Variants in FMNL2 observed in about 807,000 individuals in gnomAD.
FMNL2 encodes formin like 2.
A neutral mutation model predicts 130.2 loss-of-function variants in FMNL2; 51 were observed. That is an observed-to-expected ratio of 0.39 (90% CI 0.31 to 0.49). The LOEUF (loss-of-function observed/expected upper bound fraction) is 0.49, where lower values mean the gene tolerates loss of function less well. Ranked by LOEUF, FMNL2 falls within the 20% of genes least tolerant of loss-of-function variation. The probability of loss-of-function intolerance (pLI) is 0.85; values close to 1 mark genes in which losing one functional copy is unlikely to be tolerated. For missense variants in FMNL2, 977 were observed against 1,316.2 expected (o/e 0.74, Z 3.99); for synonymous variants, 465 against 467.1 (o/e 1.00, Z 0.06).
At chr2:152,554,251 AC>A (rs973475434) in intron 4 of FMNL2, among the ~76,000 whole-genome samples, 9 of 152,192 alleles carry the variant, frequency 5.9e-5, no homozygotes, top group African/African-American at 1.9e-4. Flanking sequence ...TATAAAAAAT[AC>A]AAAAATTAAC....
Position 152,639,996 on chromosome 2 carries a change from A to G in FMNL2, c.2985A>G (p.Glu995=), listed in dbSNP as rs776599183. 1.3e-6 allele frequency: 2 copies of G among 1,559,180 alleles called. No homozygotes were observed. Among genetic ancestry groups the G allele is most frequent in the Non-Finnish European group, 8.7e-7 (1 of 1,151,836 alleles). Residue 995 remains glutamate (E), a synonymous_variant, in exon 24 of 26, where the codon GAA becomes GAG. Transcript: ENST00000288670. Reference sequence around the variant, plus strand: ...AAAATGAGCTGAGGAAAAAGCAGGAACAAGCTCTCATGGAAAAACTCCTAG... The same window carrying G: ...AAAATGAGCTGAGGAAAAAGCAGGAGCAAGCTCTCATGGAAAAACTCCTAG... ...EEENELRKKQ[E]QALMEKLLEQ...
chr2:152,351,939 C>G (rs1281915791), intron 1 of FMNL2, among the ~76,000 whole-genome samples: 1 of 152,164 alleles, frequency 6.6e-6, no homozygotes, highest in Non-Finnish European at 1.5e-5. Context: ...TTGCATTTCT[C>G]TAATGACTAG....
chr2:152,586,761 TC>T (rs146530965), intron 9 of FMNL2, among the ~76,000 whole-genome samples: 6,986 of 152,246 alleles, frequency 0.046, 539 homozygotes, highest in African/African-American at 0.16. Flanking sequence ...GGAAGCAAAG[TC>T]CTAGTCTTAA....
At chr2:152,366,313 A>G (rs540620371) in intron 1 of FMNL2, among the ~76,000 whole-genome samples, 3 of 150,660 alleles carry the variant, frequency 2.0e-5, no homozygotes, top group African/African-American at 7.3e-5. Context: ...GGGGAGGGAT[A>G]GCATCAGGAG....
At chr2:152,591,431 T>C (rs948401079) in intron 9 of FMNL2, among the ~76,000 whole-genome samples, 1 of 152,184 alleles carries the variant, frequency 6.6e-6, no homozygotes, top group Non-Finnish European at 1.5e-5. Context: ...ATCAGAACTG[T>C]TTGGAATTGC....
chr2:152,553,539 CA>C lies in FMNL2; in HGVS notation c.359+4443del, dbSNP rs1480065977. 8.4e-3 allele frequency among the ~76,000 whole-genome samples: 1,211 copies of C among 144,930 alleles called. 12 individuals carry two copies. Among genetic ancestry groups the C allele is most frequent in the African/African-American group, 0.031 (1,170 of 37,866 alleles). On this transcript the variant is annotated intron_variant, in intron 4 of 25. Transcript: ENST00000288670. ...TTTATTACTAAACCAGCAATTCTCACATTTTTTTTTTTTTTTTGGTTTTAGA... is the reference window on the plus strand; with the variant it reads ...TTTATTACTAAACCAGCAATTCTCACTTTTTTTTTTTTTTTTGGTTTTAGA...
At chr2:152,554,039 G>A (rs1177994379) in intron 4 of FMNL2, among the ~76,000 whole-genome samples, 1 of 152,062 alleles carries the variant, frequency 6.6e-6, no homozygotes, top group South Asian at 2.1e-4. Context: ...AAAATTGAAC[G>A]GCTAGTAACT....
intron 1 of FMNL2, among the ~76,000 whole-genome samples, chr2:152,360,793 A>G (rs947549520): frequency 1.3e-5 from 2 of 152,186 alleles, no homozygotes; most frequent in Non-Finnish European, 2.9e-5. Flanking sequence ...TAGGTGGAAA[A>G]GATGTACTAC....
intron 1 of FMNL2, among the ~76,000 whole-genome samples, chr2:152,441,703 G>A (rs1353167392): frequency 6.6e-6 from 1 of 152,010 alleles, no homozygotes; most frequent in African/African-American, 2.4e-5. Flanking sequence ...GGGCATGGTG[G>A]CACGTGTCTG....
Position 152,375,896 on chromosome 2 carries a change from T to TATAC in FMNL2, c.117+40177_117+40178insTACA, listed in dbSNP as rs1553871971. On this transcript the variant is annotated intron_variant, in intron 1 of 25. Transcript: ENST00000288670. ...CTCTCTCTATATATATATATATATATAATTATTATTATTTTTTGAGACAGT... is the reference window on the plus strand; with the variant it reads ...CTCTCTCTATATATATATATATATATATACAATTATTATTATTTTTTGAGACAGT... Among the ~76,000 whole-genome samples the TATAC allele has an allele frequency of 9.8e-3, 1,414 of 143,556 alleles. 15 individuals carry two copies. The highest frequency in any genetic ancestry group is 0.032 in the African/African-American group (1,251 of 38,942). The allele number at this position is 143,556 out of a possible 152,430, so 94.2% of individuals were successfully genotyped here.
intron 1 of FMNL2, among the ~76,000 whole-genome samples, chr2:152,415,379 C>G (rs1686552636): frequency 6.6e-6 from 1 of 152,186 alleles, no homozygotes; most frequent in Admixed American, 6.6e-5. Flanking sequence ...ACCTCTTCAG[C>G]CTTATCTGTA....
intron 1 of FMNL2, among the ~76,000 whole-genome samples, chr2:152,396,869 T>A (rs1408129882): frequency 1.3e-5 from 2 of 152,218 alleles, no homozygotes; most frequent in Non-Finnish European, 2.9e-5. Context: ...CTTATGCCCC[T>A]GCTCTGCTCC....
Position 152,648,101 on chromosome 2 carries a change from C to T in FMNL2, c.*196C>T, listed in dbSNP as rs1209636983. The stretch of plus-strand genomic sequence containing the variant: ...TAACAAGTGCCTAAAAATGGAAGTA[C>T]CTGTTCAGATTAATCAAAGCAATAG... On this transcript the variant is annotated 3_prime_UTR_variant, in exon 26 of 26. Coordinates refer to ENST00000288670, the MANE Select transcript of FMNL2 (RefSeq NM_052905.4). 3.6e-6 allele frequency: 2 copies of T among 558,862 alleles called. No homozygotes were observed. The highest frequency in any genetic ancestry group is 6.3e-6 in the Non-Finnish European group (2 of 317,930). 34.6% of individuals were successfully genotyped at this position (558,862 alleles called of 1,614,324 possible).
At chr2:152,543,810 G>A (rs2577178) in intron 3 of FMNL2, among the ~76,000 whole-genome samples, 14,471 of 141,552 alleles carry the variant, frequency 0.1, 991 homozygotes, top group Admixed American at 0.23. Context: ...TTTCTCTTAC[G>A]GTTAATATGT....
At chr2:152,528,057 A>G (rs1247666910) in intron 2 of FMNL2, among the ~76,000 whole-genome samples, 3 of 152,104 alleles carry the variant, frequency 2.0e-5, no homozygotes, top group Non-Finnish European at 4.4e-5. Context: ...ATTTTCATTA[A>G]TTTTCTTAAT....
chr2:152,379,915 G>A (rs1348541955), intron 1 of FMNL2, among the ~76,000 whole-genome samples: 1 of 152,222 alleles, frequency 6.6e-6, no homozygotes, highest in Non-Finnish European at 1.5e-5. Flanking sequence ...ATAGAAAGCT[G>A]TAGAAATGGA....
intron 1 of FMNL2, among the ~76,000 whole-genome samples, chr2:152,446,519 A>G (rs1165230587): frequency 2.6e-5 from 4 of 152,094 alleles, no homozygotes; most frequent in Non-Finnish European, 5.9e-5. Flanking sequence ...ATTTTACATA[A>G]TAGGTTAAAA....
At chr2:152,533,546 CTTTTTTTT>C (rs35382323) in intron 2 of FMNL2, among the ~76,000 whole-genome samples, 2 of 115,322 alleles carry the variant, frequency 1.7e-5, no homozygotes, top group Non-Finnish European at 1.8e-5. Context: ...AATTCTCCAA[CTTTTTTTT>C]TTTTTTTTTT....
At chr2:152,360,716 A>G (rs940802046) in intron 1 of FMNL2, among the ~76,000 whole-genome samples, 30 of 152,196 alleles carry the variant, frequency 2.0e-4, no homozygotes, top group African/African-American at 7.0e-4. Flanking sequence ...TCTTATCTTT[A>G]TATGTGAATG....
Sources: allele counts gnomAD v4.1 joint callset (sites outside exome capture counted in the v4.1 genomes callset), GRCh38; gene constraint gnomAD v4.1.1; transcripts MANE v1.5; gene names NCBI Gene and HGNC (gene_info 2026-07-23, HGNC 2026-07-21).